Variants in FAM227B observed in about 807,000 individuals in gnomAD.
The protein encoded by FAM227B is protein FAM227B.
A neutral mutation model predicts 73.8 loss-of-function variants in FAM227B; 88 were observed. That is an observed-to-expected ratio of 1.19 (90% confidence interval 1.00 to 1.42). The LOEUF is 1.42. FAM227B is among the 40% of genes most tolerant of loss of function. The pLI is 0.00. For missense variants in FAM227B, 632 were observed against 590.9 expected, an observed-to-expected ratio of 1.07 and a Z score of -0.72; for synonymous variants, 210 against 190.5, an observed-to-expected ratio of 1.10 and a Z score of -0.84.
At chr15:49,430,217 G>A (rs1417093937) in intron 11 of FAM227B, among the ~76,000 whole-genome samples, 1 of 152,060 alleles carries the variant, frequency 6.6e-6, no homozygotes, top group Admixed American at 6.6e-5. Flanking sequence ...TGAGTTAGCT[G>A]CAGGGAAGAA....
chr15:49,451,283 A>G (rs778979342), intron 11 of FAM227B, among the ~76,000 whole-genome samples: 3 of 152,084 alleles, frequency 2.0e-5, no homozygotes, highest in Non-Finnish European at 2.9e-5. Context: ...CATAGAGGCT[A>G]AGGTTTTGTG....
chr15:49,594,436 C>T (rs1022165110), intron 3 of FAM227B, among the ~76,000 whole-genome samples: 2 of 152,054 alleles, frequency 1.3e-5, no homozygotes, highest in African/African-American at 4.8e-5. Context: ...TTAATTAAGT[C>T]CCATCTATTT....
At chr15:49,342,361 T>C (rs1041436194) in intron 13 of FAM227B, among the ~76,000 whole-genome samples, 2 of 152,196 alleles carry the variant, frequency 1.3e-5, no homozygotes, top group African/African-American at 4.8e-5. Flanking sequence ...TGCTCTTTTT[T>C]GTTTTCCATT....
chr15:49,428,148 T>C (rs1330640988), intron 11 of FAM227B, among the ~76,000 whole-genome samples: 2 of 151,890 alleles, frequency 1.3e-5, no homozygotes, highest in African/African-American at 2.4e-5. Flanking sequence ...TTCTGACTCT[T>C]GAGGGGACAG....
At chr15:49,456,385 C>T (rs1418645601) in intron 11 of FAM227B, among the ~76,000 whole-genome samples, 1 of 152,008 alleles carries the variant, frequency 6.6e-6, no homozygotes, top group Admixed American at 6.6e-5. Context: ...CAAGTCATTT[C>T]TGCCAATTAA....
intron 11 of FAM227B, among the ~76,000 whole-genome samples, chr15:49,403,375 A>T (rs539201817): frequency 6.6e-6 from 1 of 152,244 alleles, no homozygotes; most frequent in Admixed American, 6.5e-5. Context: ...GGTAGAATTC[A>T]GCTATGAATC....
At chr15:49,463,245 T>A (rs7174135) in intron 11 of FAM227B, among the ~76,000 whole-genome samples, 38,642 of 152,014 alleles carry the variant, frequency 0.25, 5,767 homozygotes, top group Non-Finnish European at 0.35. Flanking sequence ...TGGCTTACCA[T>A]CCTCTACAGA....
At chr15:49,424,379 ATATCTT>A (rs1453774617) in intron 11 of FAM227B, 8 of 1,613,690 alleles carry the variant, frequency 5.0e-6, no homozygotes, top group East Asian at 2.2e-5. Flanking sequence ...AGTGGGTACT[ATATCTT>A]TAGCTTGCAA....
intron 11 of FAM227B, among the ~76,000 whole-genome samples, chr15:49,393,585 G>A (rs149610786): frequency 6.6e-6 from 1 of 151,986 alleles, no homozygotes; most frequent in Non-Finnish European, 1.5e-5. Flanking sequence ...GCAAAATTTT[G>A]TTCTGTTGTT....
chr15:49,345,176 T>C (rs1208297876), intron 13 of FAM227B, among the ~76,000 whole-genome samples: 1 of 152,246 alleles, frequency 6.6e-6, no homozygotes, highest in African/African-American at 2.4e-5. Context: ...GGATTTTCTT[T>C]GACTTGTACA....
At chr15:49,524,516 G>C (rs1035856994) in intron 10 of FAM227B, among the ~76,000 whole-genome samples, 1 of 152,166 alleles carries the variant, frequency 6.6e-6, no homozygotes, top group Non-Finnish European at 1.5e-5. Flanking sequence ...TCTCTGCTAG[G>C]GCAGTGCAGA....
intron 11 of FAM227B, among the ~76,000 whole-genome samples, chr15:49,474,988 C>A (rs1299907191): frequency 7.8e-6 from 1 of 128,968 alleles, no homozygotes; most frequent in Non-Finnish European, 1.6e-5. Flanking sequence ...ATTTAAAATT[C>A]AAACTATAAA....
chr15:49,438,573 A>G (rs1279835316), intron 11 of FAM227B, among the ~76,000 whole-genome samples: 1 of 151,770 alleles, frequency 6.6e-6, no homozygotes, highest in Non-Finnish European at 1.5e-5. Context: ...CATTATATAT[A>G]GCATAGGAGT....
intron 11 of FAM227B, among the ~76,000 whole-genome samples, chr15:49,474,013 G>T (rs1054231188): frequency 6.6e-6 from 1 of 151,974 alleles, no homozygotes; most frequent in African/African-American, 2.4e-5. Flanking sequence ...ATATAACCTT[G>T]AAAAATATAC....
intron 11 of FAM227B, among the ~76,000 whole-genome samples, chr15:49,490,164 C>T (rs2056963529): frequency 6.6e-6 from 1 of 151,592 alleles, no homozygotes; most frequent in African/African-American, 2.4e-5. Context: ...GGTCTTATTC[C>T]CTCCCAGCCC....
intron 13 of FAM227B, among the ~76,000 whole-genome samples, chr15:49,361,681 A>G (rs150772130): frequency 6.6e-6 from 1 of 152,146 alleles, no homozygotes; most frequent in Non-Finnish European, 1.5e-5. Context: ...TATCTTTACT[A>G]TTGTGAATAG....
intron 9 of FAM227B, among the ~76,000 whole-genome samples, chr15:49,543,269 G>A (rs1763250642): frequency 6.6e-6 from 1 of 152,074 alleles, no homozygotes; most frequent in South Asian, 2.1e-4. Context: ...GCGATGTAGT[G>A]CATTTTTTCA....
At chr15:49,566,671 G>C (rs998589067) in intron 9 of FAM227B, among the ~76,000 whole-genome samples, 1 of 152,116 alleles carries the variant, frequency 6.6e-6, no homozygotes, top group East Asian at 1.9e-4. Context: ...GTCAATAAAA[G>C]ATGAGATCCT....
At chr15:49,569,482 A>G (rs2074933540) in intron 8 of FAM227B, among the ~76,000 whole-genome samples, 1 of 151,498 alleles carries the variant, frequency 6.6e-6, no homozygotes, top group Non-Finnish European at 1.5e-5. Flanking sequence ...TTCTTCTTTG[A>G]TTTTTAATGT....
Sources: allele counts gnomAD v4.1 joint callset (sites outside exome capture counted in the v4.1 genomes callset), GRCh38; gene constraint gnomAD v4.1.1; transcripts MANE v1.5; gene names NCBI Gene and HGNC (gene_info 2026-07-23, HGNC 2026-07-21).